The following LAMC2 variants were observed in gnomAD, a reference collection of about 807,000 sequenced individuals.
LAMC2 encodes laminin subunit gamma 2, also known as laminin subunit gamma-2.
A neutral mutation model predicts 140.2 loss-of-function variants in LAMC2; 97 were observed. The ratio of observed to expected loss-of-function variants is 0.69; its 90% CI spans 0.59 to 0.82. The LOEUF (loss-of-function observed/expected upper bound fraction) is 0.82. Ranked by LOEUF, LAMC2 falls within the 40% of genes least tolerant of loss-of-function variation. The pLI, the probability that LAMC2 is intolerant of heterozygous loss-of-function variation, is 0.00. For missense variants in LAMC2, 1,402 were observed against 1,476.1 expected (o/e 0.95, Z 0.82); for synonymous variants, 513 against 540.2 (o/e 0.95, Z 0.70).
chr1:183,248,675 C>T (rs1660289617), downstream of LAMC2: 1 of 152,200 alleles, frequency 6.6e-6, no homozygotes, highest in Non-Finnish European at 1.5e-5. Context: ...GCATATTCAT[C>T]ACCATTACTA....
At chr1:183,212,574 A>C (rs1199417020) in intron 2 of LAMC2, among the ~76,000 whole-genome samples, 2 of 151,684 alleles carry the variant, frequency 1.3e-5, no homozygotes, top group African/African-American at 4.9e-5. Flanking sequence ...TGTCCTCACC[A>C]CTTCCCCTCC....
rs774584289 is a variant in LAMC2 at position 183,215,442 on chromosome 1, G to T, written c.269-11G>T. On this transcript the variant is annotated splice_polypyrimidine_tract_variant and intron_variant, in intron 2 of 22. Transcript: ENST00000264144. Reference sequence around the variant, plus strand: ...CTTCTTCTTTCCTTTCCCCTACCTTGTGGGTTTCAGGTTCTCTTAGTGCTC... The same window carrying T: ...CTTCTTCTTTCCTTTCCCCTACCTTTTGGGTTTCAGGTTCTCTTAGTGCTC... 1.9e-6 allele frequency: 3 copies of T among 1,613,832 alleles called. No homozygotes were observed. The African/African-American group carries it at 4.0e-5, about 22-fold the overall frequency.
chr1:183,204,822 CT>C (rs57513842), intron 1 of LAMC2, among the ~76,000 whole-genome samples: 2,626 of 149,298 alleles, frequency 0.018, 93 homozygotes, highest in African/African-American at 0.061. Context: ...AAAGCATGTT[CT>C]TTTTTTTTTC....
rs1401003018 is a variant in LAMC2 at position 183,228,683 on chromosome 1, A to G, written c.1714+64A>G. On this transcript the variant is annotated intron_variant, in intron 11 of 22. Coordinates refer to ENST00000264144, the MANE Select transcript of LAMC2 (RefSeq NM_005562.3). This position sits in a 1 kb window ranked among gnomAD's most constrained non-coding sequence, Gnocchi z 4.3. ...CTGTGTACGTATGCACTTGCTTGCC[A>G]TCTAAGCAGGGACAATGGCAGTTCA... The G allele has an allele frequency of 1.2e-6, 2 of 1,601,056 alleles. No homozygotes were observed. Among genetic ancestry groups the G allele is most frequent in the African/African-American group, 1.3e-5 (1 of 74,716 alleles).
chr1:183,200,729 G>T (rs186438236), intron 1 of LAMC2, among the ~76,000 whole-genome samples: 6 of 152,042 alleles, frequency 3.9e-5, no homozygotes, highest in Admixed American at 3.3e-4. Flanking sequence ...GATCCTGCTC[G>T]CCTCACTCTA....
At chr1:183,239,963 T>C in intron 20 of LAMC2, 77 bp from the exon 21 acceptor site, 2 of 1,535,542 alleles carry the variant, frequency 1.3e-6, no homozygotes, top group East Asian at 2.2e-5. Flanking sequence ...CTGTATTTTT[T>C]CTATGGTTGT....
chr1:183,239,710 T>C lies in LAMC2; in HGVS notation c.3069+147T>C, dbSNP rs2296301. The C allele has an allele frequency of 0.052, 36,282 of 700,318 alleles. 1,443 individuals carry two copies. Among genetic ancestry groups the C allele is most frequent in the South Asian group, 0.12 (6,558 of 53,636 alleles). 43.4% of individuals were successfully genotyped at this position (700,318 alleles called of 1,614,324 possible). A position where few individuals can be genotyped will look rare whatever the true frequency, so the allele number is the denominator to read the frequency against. On this transcript the variant is annotated intron_variant, in intron 20 of 22. Transcript: ENST00000264144. ...GGAGCCCCAGATTAAAAGACTATGG[T>C]AGCAAAGACGCATGACAGAGAATGA...
At chr1:183,220,999 G>A (rs1659451384) in intron 5 of LAMC2, 38 bp downstream of exon 5, 2 of 1,597,214 alleles carry the variant, frequency 1.3e-6, no homozygotes, top group Non-Finnish European at 1.7e-6. Flanking sequence ...GTTTTTTAAT[G>A]TTGTACAGGG....
chr1:183,240,517 T>C, intron 22 of LAMC2, 126 bp downstream of exon 22: 2 of 1,478,068 alleles, frequency 1.4e-6, no homozygotes, highest in African/African-American at 1.4e-5. Context: ...GTAAATGTGC[T>C]TTGTTTCCAG....
the LAMC2 span, chr1:183,251,575 G>A: frequency 6.6e-6 from 1 of 152,530 alleles, no homozygotes; most frequent in Non-Finnish European, 1.5e-5. Flanking sequence ...TTGTTCTCAG[G>A]TACAGGAATG....
chr1:183,213,286 G>GTAGA (rs1335842979), intron 2 of LAMC2, among the ~76,000 whole-genome samples: 2 of 152,188 alleles, frequency 1.3e-5, no homozygotes, highest in Non-Finnish European at 2.9e-5. Flanking sequence ...AAGTTGATAT[G>GTAGA]TAGATGTTCA....
rs570139081 is a variant in LAMC2, at chr1:183,228,298, C to T, written c.1469-76C>T. ...TCTCTGGCTCTTCTAGAGGGTGACT[C>T]GCAACTTTAGGCCTCTGCGTCTGGT... On this transcript the variant is annotated intron_variant, in intron 10 of 22. Transcript: ENST00000264144. The surrounding 1 kb of genome is among the most constrained non-coding windows in gnomAD (Gnocchi z 4.3). The T allele has an allele frequency of 2.8e-5, 45 of 1,595,404 alleles. No homozygotes were observed. In the South Asian group the frequency reaches 4.0e-4, roughly 14 times the overall value.
downstream of LAMC2, chr1:183,249,607 G>C (rs1660318282): frequency 6.6e-6 from 1 of 151,486 alleles, no homozygotes; most frequent in African/African-American, 2.4e-5. Flanking sequence ...ATTGACTGTG[G>C]CTGGGTCATG....
downstream of LAMC2, chr1:183,248,937 T>TGTGTGTGTGTG (rs1660300694): frequency 6.6e-6 from 1 of 151,058 alleles, no homozygotes; most frequent in Non-Finnish European, 1.5e-5. Context: ...TGTGTGTCAG[T>TGTGTGTGTGTG]TTGAGGAGAG....
chr1:183,257,508 T>C, the LAMC2 span, among the ~76,000 whole-genome samples: 1 of 152,218 alleles, frequency 6.6e-6, no homozygotes, highest in South Asian at 2.1e-4. Context: ...AGTCATCTGG[T>C]CCTGGGCTTT....
intron 1 of LAMC2, among the ~76,000 whole-genome samples, chr1:183,197,353 G>A (rs1025504372): frequency 2.0e-5 from 3 of 152,182 alleles, no homozygotes; most frequent in African/African-American, 7.2e-5. Flanking sequence ...CAGGTTTTGT[G>A]TAAAGAACTT....
chr1:183,232,616 A>G, intron 13 of LAMC2, 36 bp from the exon 14 acceptor site: 1 of 1,576,658 alleles, frequency 6.3e-7, no homozygotes, highest in East Asian at 2.2e-5. Flanking sequence ...GCTGACCCAG[A>G]AAGTGCTCAT....
the LAMC2 span, chr1:183,251,970 T>C: frequency 9.6e-4 from 149 of 155,150 alleles, no homozygotes; most frequent in Non-Finnish European, 2.9e-4. Flanking sequence ...GCTGAAGAAG[T>C]GGAGGTTGCT....
Position 183,208,058 on chromosome 1 carries a change from G to GT in LAMC2, c.258dup (p.Asn87Ter), listed in dbSNP as rs2102196755. 1 of 1,613,996 alleles carries GT rather than the reference G, an allele frequency of 6.2e-7. No individual in the cohort carries two copies. The highest frequency in any genetic ancestry group is 8.5e-7 in the Non-Finnish European group (1 of 1,179,958). On this transcript the variant is annotated frameshift_variant, in exon 2 of 23. Coordinates refer to ENST00000264144, the MANE Select transcript of LAMC2 (RefSeq NM_005562.3). LOFTEE classifies it high-confidence loss of function. The stretch of plus-strand genomic sequence containing the variant: ...AGGGACCGCTGTTTGCCCTGCAATT[G>GT]TAACTCCAAAGGTAGCTGAAAAGGA...
Sources: allele counts gnomAD v4.1 joint callset (sites outside exome capture counted in the v4.1 genomes callset), GRCh38; gene constraint gnomAD v4.1.1; non-coding constraint Gnocchi (gnomAD v3.1); transcripts MANE v1.5; gene names NCBI Gene and HGNC (gene_info 2026-07-23, HGNC 2026-07-21).